The following ARMC9 variants were observed in gnomAD, a reference collection of about 807,000 sequenced individuals.
ARMC9 encodes the protein lisH domain-containing protein ARMC9.
A neutral mutation model predicts 107.0 loss-of-function variants in ARMC9; 94 were observed. The observed-to-expected ratio is 0.88, with a 90% CI of 0.74 to 1.04. The LOEUF (loss-of-function observed/expected upper bound fraction) is 1.04. ARMC9 is among the 50% of genes least tolerant of loss of function. The pLI is 0.00. For synonymous variants in ARMC9, 380 were observed against 396.9 expected, an observed-to-expected ratio of 0.96 and a Z score of 0.51; for missense variants, 942 against 1,030.1, an observed-to-expected ratio of 0.91 and a Z score of 1.17.
At chr2:231,289,692 T>G (rs796319310) in intron 17 of ARMC9, among the ~76,000 whole-genome samples, 8 of 152,304 alleles carry the variant, frequency 5.3e-5, no homozygotes, top group African/African-American at 1.7e-4. Flanking sequence ...GGTGTCCAAC[T>G]GGTCCCGCAG....
At chr2:231,267,183 G>A (rs2038925460) in intron 12 of ARMC9, among the ~76,000 whole-genome samples, 1 of 152,130 alleles carries the variant, frequency 6.6e-6, no homozygotes, top group South Asian at 2.1e-4. Flanking sequence ...CAGAGCGTCT[G>A]GCGGAATTGA....
intron 9 of ARMC9, among the ~76,000 whole-genome samples, chr2:231,251,261 G>T (rs1387309963): frequency 6.6e-6 from 1 of 152,090 alleles, no homozygotes; most frequent in Admixed American, 6.5e-5. Flanking sequence ...CCGCCTCCCG[G>T]ATTCAAGCGA....
At chr2:231,291,259 C>A in intron 17 of ARMC9, 94 bp from the exon 18 acceptor site, 1 of 987,100 alleles carries the variant, frequency 1.0e-6, no homozygotes, top group South Asian at 1.3e-5. Context: ...CTCCCCAAAA[C>A]ATTATTTTTT....
In ARMC9 at chr2:231,372,486, C is replaced by T. The variant is rs1299227507; in HGVS notation, c.*951C>T. On this transcript the variant is annotated 3_prime_UTR_variant, in exon 25 of 25. Transcript: ENST00000611582. ...AGTGTGACCAGGGAGCACCCTCTGC[C>T]TCCCTCCCTGCACTGGGACCATAAA... 6.6e-6 allele frequency: 1 copy of T among 152,294 alleles called. No individual in the cohort carries two copies. The highest frequency in any genetic ancestry group is 2.4e-5 in the African/African-American group (1 of 41,426). The allele number at this position is 152,294 out of a possible 1,614,324, so 9.4% of individuals were successfully genotyped here.
intron 19 of ARMC9, among the ~76,000 whole-genome samples, chr2:231,314,072 T>C (rs1236226826): frequency 7.3e-5 from 11 of 150,722 alleles, no homozygotes; most frequent in Admixed American, 2.0e-4. Context: ...TTTTCTTTTT[T>C]TTTTTTTTTT....
chr2:231,216,396 A>G (rs951797022), intron 4 of ARMC9, among the ~76,000 whole-genome samples: 2 of 152,218 alleles, frequency 1.3e-5, no homozygotes, highest in African/African-American at 4.8e-5. Flanking sequence ...AAATGGCAAT[A>G]ATAAAGTTAA....
chr2:231,272,260 G>T (rs1328217849), intron 13 of ARMC9, among the ~76,000 whole-genome samples: 1 of 138,012 alleles, frequency 7.2e-6, no homozygotes, highest in Non-Finnish European at 1.5e-5. Flanking sequence ...GCATGATCTC[G>T]GCTCACTGTA....
chr2:231,335,148 A>G (rs1328829143), intron 20 of ARMC9, among the ~76,000 whole-genome samples: 1 of 152,232 alleles, frequency 6.6e-6, no homozygotes, highest in Non-Finnish European at 1.5e-5. Context: ...AGAAGTTTTC[A>G]GAAGGCACCA....
chr2:231,345,569 A>G (rs2044772784), intron 21 of ARMC9, among the ~76,000 whole-genome samples: 1 of 152,150 alleles, frequency 6.6e-6, no homozygotes, highest in Admixed American at 6.5e-5. Flanking sequence ...CTCGTACCCC[A>G]TTTATAGAAA....
chr2:231,338,550 T>C (rs1437944572), intron 20 of ARMC9, among the ~76,000 whole-genome samples: 1 of 148,642 alleles, frequency 6.7e-6, no homozygotes, highest in African/African-American at 2.5e-5. Flanking sequence ...TTTTTTTTTT[T>C]TTTTTTTGCG....
chr2:231,327,715 G>A (rs571749043), intron 19 of ARMC9, among the ~76,000 whole-genome samples: 3 of 152,146 alleles, frequency 2.0e-5, no homozygotes, highest in Non-Finnish European at 4.4e-5. Context: ...TGCTGGTTCT[G>A]TATAGTTGCA....
chr2:231,329,534 A>G (rs2043577450), intron 19 of ARMC9, among the ~76,000 whole-genome samples: 1 of 151,344 alleles, frequency 6.6e-6, no homozygotes, highest in Non-Finnish European at 1.5e-5. Flanking sequence ...GTCTTGAACT[A>G]CTGACCTCAG....
intron 9 of ARMC9, among the ~76,000 whole-genome samples, chr2:231,253,859 G>A (rs991475215): frequency 1.3e-5 from 2 of 152,224 alleles, no homozygotes; most frequent in Non-Finnish European, 2.9e-5. Flanking sequence ...TAGGAAGTGT[G>A]TAAAGCAGCT....
In ARMC9 at chr2:231,373,705, C is replaced by G. The variant is rs2046108941; in HGVS notation, c.*2170C>G. 6.6e-6 allele frequency: 1 copy of G among 152,102 alleles called. No individual in the cohort carries two copies. The highest frequency in any genetic ancestry group is 2.4e-5 in the African/African-American group (1 of 41,408). 9.4% of individuals were successfully genotyped at this position (152,102 alleles called of 1,614,324 possible). A position where few individuals can be genotyped will look rare whatever the true frequency, so the allele number is the denominator to read the frequency against. ...CTTGAGGCCTCCAGGAGTTCGAGAC[C>G]AGCCTGGCCAACATGGCGAAACCCC... is the stretch of plus-strand genomic sequence containing the variant. On this transcript the variant is annotated 3_prime_UTR_variant, in exon 25 of 25. Transcript: ENST00000611582. The surrounding 1 kb of genome is among the most constrained non-coding windows in gnomAD (Gnocchi z 4.4).
In ARMC9 at chr2:231,374,052, T is replaced by C. The variant is rs1253633832; in HGVS notation, c.*2517T>C. On this transcript the variant is annotated 3_prime_UTR_variant, in exon 25 of 25. Coordinates refer to ENST00000611582, the MANE Select transcript of ARMC9 (RefSeq NM_001352754.2). ...ATTCCAAGGCTGACAGCTAGAAATATACTTTGTAAAATACCAACAACTTAT... is the reference window on the plus strand; with the variant it reads ...ATTCCAAGGCTGACAGCTAGAAATACACTTTGTAAAATACCAACAACTTAT... 6.6e-6 allele frequency: 1 copy of C among 152,232 alleles called. No individual in the cohort carries two copies. The highest frequency in any genetic ancestry group is 2.4e-5 in the African/African-American group (1 of 41,458). 9.4% of individuals were successfully genotyped at this position (152,232 alleles called of 1,614,324 possible). A position where few individuals can be genotyped will look rare whatever the true frequency, so the allele number is the denominator to read the frequency against.
chr2:231,256,634 C>G lies in ARMC9; in HGVS notation c.914+14C>G. On this transcript the variant is annotated intron_variant, in intron 10 of 24. Coordinates refer to ENST00000611582, the MANE Select transcript of ARMC9 (RefSeq NM_001352754.2). ...CTTGGCACCCGTGTAAGTAACTGCT[C>G]TTAGGAATTTTTATTAAGGAGAACA... is the stretch of plus-strand genomic sequence containing the variant. The G allele has an allele frequency of 1.9e-6, 3 of 1,612,780 alleles. No individual in the cohort carries two copies. Among genetic ancestry groups the G allele is most frequent in the Non-Finnish European group, 2.5e-6 (3 of 1,178,872 alleles).
At chr2:231,262,246 G>T (rs1481401371) in intron 11 of ARMC9, 60 bp from the exon 12 acceptor site, 1 of 1,519,718 alleles carries the variant, frequency 6.6e-7, no homozygotes, top group Non-Finnish European at 9.1e-7. Context: ...CACCTGCTAT[G>T]AGAAACTTTT....
At chr2:231,239,798 A>G in intron 8 of ARMC9, 145 bp from the exon 9 acceptor site, 2 of 699,412 alleles carry the variant, frequency 2.9e-6, no homozygotes, top group Non-Finnish European at 2.5e-6. Context: ...TGTTAAAGCA[A>G]ATGATTATTT....
chr2:231,319,584 C>T (rs756624552), intron 19 of ARMC9, among the ~76,000 whole-genome samples: 1 of 152,212 alleles, frequency 6.6e-6, no homozygotes, highest in Non-Finnish European at 1.5e-5. Flanking sequence ...CTCTTCCTCT[C>T]CCTTACACTT....
Sources: gnomAD v4.1 joint callset for allele counts (sites outside exome capture counted in the v4.1 genomes callset) on GRCh38, gnomAD v4.1.1 for gene constraint, Gnocchi (gnomAD v3.1) non-coding constraint, MANE v1.5 for transcripts, NCBI Gene and HGNC (gene_info 2026-07-23, HGNC 2026-07-21) for gene names.